The following YWHAE variants were observed in gnomAD, a reference collection of about 807,000 sequenced individuals.
The protein encoded by YWHAE is tyrosine 3-monooxygenase/tryptophan 5-monooxygenase activation protein epsilon.
Under a neutral mutation model 30.1 loss-of-function variants are expected in YWHAE, and 4 were observed. That is an observed-to-expected ratio of 0.13 (90% confidence interval 0.07 to 0.30). The LOEUF (loss-of-function observed/expected upper bound fraction) is 0.30, where lower values mean the gene tolerates loss of function less well. Among genes scored for constraint, YWHAE ranks in the 10% least tolerant of loss-of-function variants. The pLI is 1.00. For synonymous variants in YWHAE, 118 were observed against 111.8 expected, an observed-to-expected ratio of 1.06 and a Z score of -0.35; for missense variants, 121 against 315.9, an observed-to-expected ratio of 0.38 and a Z score of 4.68.
At chr17:1,386,201 G>C (rs1327269483) in intron 1 of YWHAE, among the ~76,000 whole-genome samples, 1 of 152,180 alleles carries the variant, frequency 6.6e-6, no homozygotes, top group Non-Finnish European at 1.5e-5. Context: ...ACACTTTAAA[G>C]AGGTTTTTCA....
chr17:1,390,254 C>G (rs1356669871), intron 1 of YWHAE, among the ~76,000 whole-genome samples: 1 of 152,112 alleles, frequency 6.6e-6, no homozygotes, highest in Admixed American at 6.6e-5. Context: ...CAACTATATA[C>G]CAGCTCAACA....
At chr17:1,361,616 A>G (rs1044356451) in intron 3 of YWHAE, 1 of 421,836 alleles carries the variant, frequency 2.4e-6, no homozygotes, top group Non-Finnish European at 4.1e-6. Context: ...ATGACAGTTT[A>G]TTAATCATAA....
At chr17:1,378,563 G>A (rs1448892920) in intron 1 of YWHAE, among the ~76,000 whole-genome samples, 1 of 152,138 alleles carries the variant, frequency 6.6e-6, no homozygotes. Context: ...CAAATAATCT[G>A]GGAAGCATCA....
chr17:1,386,685 C>T (rs564274300), intron 1 of YWHAE, among the ~76,000 whole-genome samples: 1 of 152,364 alleles, frequency 6.6e-6, no homozygotes, highest in Non-Finnish European at 1.5e-5. Context: ...CACGGTGGCT[C>T]ACGCCTATAA....
chr17:1,394,043 C>G (rs757928151), intron 1 of YWHAE, among the ~76,000 whole-genome samples: 8 of 152,134 alleles, frequency 5.3e-5, no homozygotes, highest in African/African-American at 1.4e-4. Context: ...CTACTCACCC[C>G]CTACTCCCCT....
chr17:1,391,859 A>C (rs975224316), intron 1 of YWHAE, among the ~76,000 whole-genome samples: 2 of 152,170 alleles, frequency 1.3e-5, no homozygotes, highest in Non-Finnish European at 2.9e-5. Flanking sequence ...CCTGGTGGGA[A>C]GATCACATGA....
At chr17:1,371,579 TCAAA>T (rs2073043464) in intron 1 of YWHAE, among the ~76,000 whole-genome samples, 1 of 152,178 alleles carries the variant, frequency 6.6e-6, no homozygotes, top group South Asian at 2.1e-4. Context: ...CTCAAATTTT[TCAAA>T]CAGTCAATGA....
At chr17:1,362,743 C>G (rs1222366414) in intron 2 of YWHAE, among the ~76,000 whole-genome samples, 2 of 152,058 alleles carry the variant, frequency 1.3e-5, no homozygotes, top group Admixed American at 1.3e-4. Flanking sequence ...CCCCTGGAAC[C>G]TCCGTTTCAC....
At chr17:1,392,604 T>G (rs2073405030) in intron 1 of YWHAE, among the ~76,000 whole-genome samples, 1 of 151,476 alleles carries the variant, frequency 6.6e-6, no homozygotes, top group African/African-American at 2.4e-5. Flanking sequence ...AATCCCAGCA[T>G]TTTGGGAGGC....
chr17:1,394,436 CAAAAAAAAAAAA>C (rs544115909), intron 1 of YWHAE, among the ~76,000 whole-genome samples: 9 of 58,548 alleles, frequency 1.5e-4, no homozygotes, highest in African/African-American at 6.2e-4. Flanking sequence ...CTCAAATCCA[CAAAAAAAAAAAA>C]AAAAAAAAAA....
intron 1 of YWHAE, among the ~76,000 whole-genome samples, chr17:1,378,887 T>C (rs1257851258): frequency 1.3e-5 from 2 of 151,718 alleles, no homozygotes; most frequent in Non-Finnish European, 2.9e-5. Flanking sequence ...GCGAAGGAAG[T>C]TGCAATGAGC....
chr17:1,363,257 A>AT (rs1567964840), intron 2 of YWHAE, among the ~76,000 whole-genome samples: 1 of 151,620 alleles, frequency 6.6e-6, no homozygotes, highest in African/African-American at 2.4e-5. Context: ...TGGACTCTTT[A>AT]TTTTTTACTT....
At chr17:1,345,564 CA>C in intron 5 of YWHAE, 65 bp from the exon 6 acceptor site, 1 of 1,530,744 alleles carries the variant, frequency 6.5e-7, no homozygotes, top group Non-Finnish European at 9.0e-7. Context: ...CAGCCACAAA[CA>C]AAGGTGTCAT....
At chr17:1,395,107 A>G (rs1212684116) in intron 1 of YWHAE, among the ~76,000 whole-genome samples, 2 of 151,442 alleles carry the variant, frequency 1.3e-5, no homozygotes. Flanking sequence ...AAAAAAAACA[A>G]TCAGGCCGGG....
intron 4 of YWHAE, among the ~76,000 whole-genome samples, chr17:1,356,167 T>TAA (rs1306725281): frequency 7.5e-5 from 8 of 106,880 alleles, no homozygotes; most frequent in Non-Finnish European, 1.6e-4. Context: ...AGACTCCGTC[T>TAA]AAAAACACAC....
intron 1 of YWHAE, among the ~76,000 whole-genome samples, chr17:1,377,874 C>G (rs534623895): frequency 6.6e-6 from 1 of 152,042 alleles, no homozygotes. Context: ...CATGGTGAAA[C>G]CCCGTCTCTA....
At chr17:1,387,409 AAGTCTGAATCT>A (rs2073315259) in intron 1 of YWHAE, among the ~76,000 whole-genome samples, 1 of 152,228 alleles carries the variant, frequency 6.6e-6, no homozygotes, top group African/African-American at 2.4e-5. Flanking sequence ...AGGTAGATCA[AAGTCTGAATCT>A]TTTTACAGTT....
At chr17:1,371,301 T>G (rs4790337) in intron 1 of YWHAE, among the ~76,000 whole-genome samples, 13,444 of 152,160 alleles carry the variant, frequency 0.088, 933 homozygotes, top group Admixed American at 0.23. Context: ...CTCAGGCTGG[T>G]CTTGAACTCT....
Position 1,344,479 on chromosome 17 carries a change from C to T in YWHAE, c.*968G>A, listed in dbSNP as rs1052606578. The T allele has an allele frequency of 5.3e-6, 1 of 188,158 alleles. No homozygotes were observed. Among genetic ancestry groups the T allele is most frequent in the Non-Finnish European group, 1.1e-5 (1 of 89,238 alleles). The allele number at this position is 188,158 out of a possible 1,614,324, so 11.7% of individuals were successfully genotyped here. A position where few individuals can be genotyped will look rare whatever the true frequency, so the allele number is the denominator to read the frequency against. ...GTTTCACATTCAGGCAAACATAATA[C>T]TGTCAGTGTGTTTGGACTAGAGATT... On this transcript the variant is annotated 3_prime_UTR_variant, in exon 6 of 6. Transcript: ENST00000264335.
Sources: gnomAD v4.1 joint callset for allele counts (sites outside exome capture counted in the v4.1 genomes callset) on GRCh38, gnomAD v4.1.1 for gene constraint, MANE v1.5 for transcripts, NCBI Gene and HGNC (gene_info 2026-07-23, HGNC 2026-07-21) for gene names.